VRK2: variants seen among roughly 807,000 people sequenced by gnomAD.
VRK2 encodes VRK serine/threonine kinase 2, also known as serine/threonine-protein kinase VRK2.
A neutral mutation model predicts 57.6 loss-of-function variants in VRK2; 60 were observed. That is an observed-to-expected ratio of 1.04 (90% CI 0.85 to 1.29). The LOEUF is 1.29. Among genes scored for constraint, VRK2 ranks in the 50% most tolerant of loss-of-function variants. The pLI is 0.00. For missense variants in VRK2, 705 were observed against 588.1 expected (o/e 1.20, Z -2.06); for synonymous variants, 231 against 199.2 (o/e 1.16, Z -1.35).
chr2:58,084,064 C>T, intron 2 of VRK2, 25 bp from the exon 3 acceptor site: 1 of 1,600,544 alleles, frequency 6.2e-7, no homozygotes, highest in Non-Finnish European at 8.5e-7. Context: ...TATTTTTCTC[C>T]ATTGTGTGTT....
chr2:58,117,394 A>T (rs1206857058), intron 7 of VRK2, among the ~76,000 whole-genome samples: 3 of 152,152 alleles, frequency 2.0e-5, no homozygotes, highest in Admixed American at 6.5e-5. Context: ...GGGAGGCGAT[A>T]AAAAGATTAC....
At chr2:58,121,690 C>T (rs1300505854) in intron 7 of VRK2, among the ~76,000 whole-genome samples, 1 of 152,184 alleles carries the variant, frequency 6.6e-6, no homozygotes, top group African/African-American at 2.4e-5. Context: ...AGAATTTCCT[C>T]TTAATAGATA....
At chr2:57,927,625 C>G (rs2103922739) in intron 1 of VRK2, among the ~76,000 whole-genome samples, 1 of 152,278 alleles carries the variant, frequency 6.6e-6, no homozygotes, top group South Asian at 2.1e-4. Context: ...TAACTATTGC[C>G]ACTGAGTTTT....
At chr2:57,994,165 C>T (rs1034961314) in intron 1 of VRK2, among the ~76,000 whole-genome samples, 9 of 152,062 alleles carry the variant, frequency 5.9e-5, no homozygotes, top group African/African-American at 1.9e-4. Flanking sequence ...ACTTTATGGT[C>T]ATTGAAATTT....
chr2:57,926,844 G>GT (rs1422653355), intron 1 of VRK2, among the ~76,000 whole-genome samples: 4 of 151,210 alleles, frequency 2.6e-5, no homozygotes, highest in Non-Finnish European at 4.4e-5. Context: ...AGAGTGTTTA[G>GT]TTTTTTTATA....
intron 1 of VRK2, among the ~76,000 whole-genome samples, chr2:58,006,776 T>G (rs1673259056): frequency 6.6e-6 from 1 of 152,112 alleles, no homozygotes; most frequent in Non-Finnish European, 1.5e-5. Flanking sequence ...TAATTATGGG[T>G]GTTCCTAAAA....
At chr2:57,926,524 G>C (rs1364366052) in intron 1 of VRK2, among the ~76,000 whole-genome samples, 1 of 150,518 alleles carries the variant, frequency 6.6e-6, no homozygotes, top group Non-Finnish European at 1.5e-5. Flanking sequence ...TATATAGTGT[G>C]TGTGTGTATA....
At chr2:57,985,333 G>T (rs565793749) in intron 1 of VRK2, among the ~76,000 whole-genome samples, 1 of 152,042 alleles carries the variant, frequency 6.6e-6, no homozygotes, top group South Asian at 2.1e-4. Flanking sequence ...ATATGTAAAA[G>T]ATCAAAACTT....
chr2:57,959,812 T>A (rs1296282251), intron 1 of VRK2, among the ~76,000 whole-genome samples: 4 of 152,152 alleles, frequency 2.6e-5, no homozygotes, highest in African/African-American at 9.7e-5. Context: ...CCCCCTTTAA[T>A]GCTGTTTCAG....
At chr2:58,003,858 T>C (rs13400997) in intron 1 of VRK2, among the ~76,000 whole-genome samples, 13,018 of 152,168 alleles carry the variant, frequency 0.086, 1,951 homozygotes, top group African/African-American at 0.3. Flanking sequence ...ATTTTAACTT[T>C]CTAATAATTG....
At chr2:57,999,726 G>A (rs1418994872) in intron 1 of VRK2, among the ~76,000 whole-genome samples, 1 of 152,160 alleles carries the variant, frequency 6.6e-6, no homozygotes, top group Admixed American at 6.5e-5. Flanking sequence ...TAGAGTTAGT[G>A]TAAGTTTATT....
chr2:58,072,602 A>G (rs563917539), intron 2 of VRK2, among the ~76,000 whole-genome samples: 26 of 152,166 alleles, frequency 1.7e-4, no homozygotes, highest in African/African-American at 5.8e-4. Context: ...TATACCTGGA[A>G]TAAATCCCAT....
At chr2:58,001,327 A>G (rs971526636) in intron 1 of VRK2, among the ~76,000 whole-genome samples, 2 of 152,214 alleles carry the variant, frequency 1.3e-5, no homozygotes, top group Non-Finnish European at 2.9e-5. Context: ...ATTGCATACA[A>G]TGAAAGAAGA....
chr2:58,006,897 C>T (rs530997214), intron 1 of VRK2, among the ~76,000 whole-genome samples: 46 of 152,040 alleles, frequency 3.0e-4, no homozygotes, highest in Non-Finnish European at 5.4e-4. Flanking sequence ...AGAGTCATGA[C>T]CTCCCAATTC....
At chr2:57,915,891 T>C (rs1670131235) in intron 1 of VRK2, among the ~76,000 whole-genome samples, 1 of 152,114 alleles carries the variant, frequency 6.6e-6, no homozygotes, top group Admixed American at 6.6e-5. Context: ...CAAACCCTGC[T>C]TGTGAACTGT....
At chr2:57,981,995 C>T (rs58995859) in intron 1 of VRK2, among the ~76,000 whole-genome samples, 18,527 of 152,080 alleles carry the variant, frequency 0.12, 1,209 homozygotes, top group East Asian at 0.19. Flanking sequence ...GCACTGGTTC[C>T]GTCTCATCTG....
intron 12 of VRK2, among the ~76,000 whole-genome samples, chr2:58,156,486 A>G (rs1419867848): frequency 2.0e-5 from 3 of 152,152 alleles, no homozygotes; most frequent in African/African-American, 7.2e-5. Context: ...AAATACATGC[A>G]TGTTAGAATA....
At chr2:58,130,809 T>C (rs2104534801) in intron 8 of VRK2, among the ~76,000 whole-genome samples, 1 of 152,312 alleles carries the variant, frequency 6.6e-6, no homozygotes, top group East Asian at 1.9e-4. Context: ...TACCAGCCTA[T>C]TGTTTTATAA....
chr2:58,097,194 T>C (rs1301865931), intron 7 of VRK2, among the ~76,000 whole-genome samples: 5 of 152,200 alleles, frequency 3.3e-5, no homozygotes, highest in South Asian at 2.1e-4. Flanking sequence ...GTATTGTTTA[T>C]GTCATCTATA....
Sources: gnomAD v4.1 joint callset for allele counts (sites outside exome capture counted in the v4.1 genomes callset) on GRCh38, gnomAD v4.1.1 for gene constraint, MANE v1.5 for transcripts, NCBI Gene and HGNC (gene_info 2026-07-23, HGNC 2026-07-21) for gene names.